Variants in NTRK2 observed in about 807,000 individuals in gnomAD.
NTRK2 encodes the protein neurotrophic receptor tyrosine kinase 2.
A neutral mutation model predicts 94.5 loss-of-function variants in NTRK2; 13 were observed. The observed-to-expected ratio is 0.14, with a 90% CI of 0.09 to 0.22. NTRK2 has a LOEUF of 0.22. Ranked by LOEUF, NTRK2 falls within the 10% of genes least tolerant of loss-of-function variation. NTRK2 has a pLI of 1.00. For missense variants in NTRK2, 639 were observed against 1,071.2 expected, an observed-to-expected ratio of 0.60 and a Z score of 5.63; for synonymous variants, 372 against 407.4, an observed-to-expected ratio of 0.91 and a Z score of 1.05.
In NTRK2 at chr9:84,869,918, A is replaced by G. The variant is rs375134574; in HGVS notation, c.1633+2487A>G. Among the ~76,000 whole-genome samples the G allele has an allele frequency of 1.8e-4, 27 of 152,088 alleles. No homozygotes were observed. In the East Asian group the frequency reaches 4.8e-3, roughly 27 times the overall value. ...TATTAGCCAATTTAAACAGATTTAGATAACAATTTTAGCAGAAATAGACTT... is the reference window on the plus strand; with the variant it reads ...TATTAGCCAATTTAAACAGATTTAGGTAACAATTTTAGCAGAAATAGACTT... On this transcript the variant is annotated intron_variant, in intron 14 of 18. Transcript: ENST00000277120.
At chr9:84,679,826 T>C (rs2059283522) in intron 2 of NTRK2, among the ~76,000 whole-genome samples, 1 of 152,210 alleles carries the variant, frequency 6.6e-6, no homozygotes, top group Non-Finnish European at 1.5e-5. Flanking sequence ...GCTCTGCCGT[T>C]GAGGCTGGAT....
intron 12 of NTRK2, among the ~76,000 whole-genome samples, chr9:84,763,501 T>C (rs995178103): frequency 2.0e-5 from 3 of 152,122 alleles, no homozygotes; most frequent in Non-Finnish European, 4.4e-5. Context: ...ATTTTCAATA[T>C]GAATAAAAGC....
At chr9:84,781,669 C>T (rs1176753494) in intron 12 of NTRK2, among the ~76,000 whole-genome samples, 2 of 152,110 alleles carry the variant, frequency 1.3e-5, no homozygotes, top group African/African-American at 2.4e-5. Context: ...GGGGGGCCCA[C>T]AGACAACAAG....
chr9:84,718,161 G>A (rs2131937439), intron 6 of NTRK2, among the ~76,000 whole-genome samples: 1 of 151,858 alleles, frequency 6.6e-6, no homozygotes, highest in Middle Eastern at 3.4e-3. Flanking sequence ...AAAATTTGAT[G>A]GACAACTCAG....
At chr9:84,757,951 A>T (rs1390968826) in intron 12 of NTRK2, among the ~76,000 whole-genome samples, 1 of 152,168 alleles carries the variant, frequency 6.6e-6, no homozygotes, top group African/African-American at 2.4e-5. Flanking sequence ...TCCCACTAAC[A>T]GTATGTAAGG....
chr9:85,010,573 T>A (rs761931097), intron 17 of NTRK2, among the ~76,000 whole-genome samples: 1 of 152,200 alleles, frequency 6.6e-6, no homozygotes, highest in Non-Finnish European at 1.5e-5. Flanking sequence ...CAGCGTGGTG[T>A]ATTAGTACTT....
At chr9:84,738,971 T>C (rs2063444783) in intron 9 of NTRK2, among the ~76,000 whole-genome samples, 1 of 152,158 alleles carries the variant, frequency 6.6e-6, no homozygotes, top group Non-Finnish European at 1.5e-5. Flanking sequence ...CTGGTGAACT[T>C]GGTAGGAAAG....
intron 13 of NTRK2, among the ~76,000 whole-genome samples, chr9:84,864,887 C>T (rs1265315759): frequency 1.3e-5 from 2 of 151,928 alleles, no homozygotes; most frequent in East Asian, 3.9e-4. Flanking sequence ...ATTACAGGTG[C>T]ACGCCACCAC....
intron 2 of NTRK2, among the ~76,000 whole-genome samples, chr9:84,694,052 T>C (rs1001278275): frequency 6.6e-6 from 1 of 152,218 alleles, no homozygotes; most frequent in Non-Finnish European, 1.5e-5. Context: ...AAAGGTCCAT[T>C]GTGCAAAAAC....
At chr9:84,715,846 C>G (rs954308149) in intron 6 of NTRK2, among the ~76,000 whole-genome samples, 1 of 152,116 alleles carries the variant, frequency 6.6e-6, no homozygotes. Flanking sequence ...GCAGTAGAAA[C>G]CTTTCAGTCA....
At chr9:84,815,748 C>A (rs1389154402) in intron 12 of NTRK2, 7 of 1,004,016 alleles carry the variant, frequency 7.0e-6, no homozygotes, top group Middle Eastern at 4.9e-4. Flanking sequence ...TACTTCCTCA[C>A]ACTTCCTCAA....
intron 2 of NTRK2, among the ~76,000 whole-genome samples, chr9:84,689,780 C>T (rs565132445): frequency 4.9e-4 from 75 of 152,274 alleles, no homozygotes; most frequent in African/African-American, 1.5e-3. Flanking sequence ...AACCATGACC[C>T]CCCATAACCT....
chr9:84,832,651 C>T (rs1365432832), intron 12 of NTRK2, among the ~76,000 whole-genome samples: 9 of 152,168 alleles, frequency 5.9e-5, no homozygotes, highest in South Asian at 4.1e-4. Context: ...CTGTGTATTA[C>T]GCAATCTTTA....
At chr9:84,811,139 G>T in intron 12 of NTRK2, 1 of 1,065,138 alleles carries the variant, frequency 9.4e-7, no homozygotes, top group Non-Finnish European at 1.1e-6. Context: ...AAGAGTTAAG[G>T]GTATATATAC....
intron 17 of NTRK2, among the ~76,000 whole-genome samples, chr9:84,958,721 T>C (rs569981650): frequency 6.6e-6 from 1 of 152,340 alleles, no homozygotes; most frequent in African/African-American, 2.4e-5. Flanking sequence ...CCTGACAATT[T>C]GCTAGCAGCC....
intron 6 of NTRK2, among the ~76,000 whole-genome samples, chr9:84,721,919 A>C (rs2062091718): frequency 6.6e-6 from 1 of 152,182 alleles, no homozygotes; most frequent in Non-Finnish European, 1.5e-5. Context: ...TATGCCATTG[A>C]CTTCAAGGAG....
chr9:84,945,948 A>C (rs1254874612), intron 15 of NTRK2, among the ~76,000 whole-genome samples: 1 of 152,096 alleles, frequency 6.6e-6, no homozygotes, highest in Non-Finnish European at 1.5e-5. Flanking sequence ...TCCAGCTCAG[A>C]TCTGCTCCCT....
chr9:84,681,329 A>G (rs2059377206), intron 2 of NTRK2, among the ~76,000 whole-genome samples: 2 of 152,168 alleles, frequency 1.3e-5, no homozygotes, highest in Admixed American at 1.3e-4. Context: ...CAAGCCACAA[A>G]CCGTGACTCT....
intron 17 of NTRK2, among the ~76,000 whole-genome samples, chr9:84,969,985 A>G (rs966889665): frequency 2.0e-5 from 3 of 152,232 alleles, no homozygotes; most frequent in Non-Finnish European, 4.4e-5. Context: ...CATAAACAGC[A>G]TAGTCTCTGG....
Sources: gnomAD v4.1 joint callset for allele counts (sites outside exome capture counted in the v4.1 genomes callset) on GRCh38, gnomAD v4.1.1 for gene constraint, MANE v1.5 for transcripts, NCBI Gene and HGNC (gene_info 2026-07-23, HGNC 2026-07-21) for gene names.